Variants in ANKIB1 observed in about 807,000 individuals in gnomAD.
ANKIB1 encodes the protein ankyrin repeat and IBR domain-containing protein 1.
In ANKIB1, 43 loss-of-function variants were observed where a neutral mutation model predicts 122.1. The observed-to-expected ratio is 0.35, with a 90% CI of 0.28 to 0.45. ANKIB1 has a LOEUF of 0.45. ANKIB1 is among the 20% of genes least tolerant of loss of function. ANKIB1 has a pLI of 1.00. For missense variants in ANKIB1, 992 were observed against 1,329.5 expected (o/e 0.75, Z 3.95); for synonymous variants, 390 against 442.0 (o/e 0.88, Z 1.48).
chr7:92,281,428 A>C (rs1802010428), intron 1 of ANKIB1, among the ~76,000 whole-genome samples: 1 of 152,222 alleles, frequency 6.6e-6, no homozygotes, highest in South Asian at 2.1e-4. Context: ...GCCATGGATC[A>C]ACCTTGCAAG....
intron 5 of ANKIB1, among the ~76,000 whole-genome samples, chr7:92,339,877 A>G (rs993571928): frequency 3.3e-5 from 3 of 90,052 alleles, no homozygotes; most frequent in African/African-American, 1.3e-4. Context: ...TTTAATTTCT[A>G]CTTTGCCTTT....
chr7:92,362,828 G>A (rs1446513874), intron 10 of ANKIB1, among the ~76,000 whole-genome samples: 1 of 152,184 alleles, frequency 6.6e-6, no homozygotes, highest in African/African-American at 2.4e-5. Flanking sequence ...TTTTACAGAG[G>A]AAAACTAATG....
At chr7:92,355,960 A>C (rs1803801635) in intron 9 of ANKIB1, among the ~76,000 whole-genome samples, 1 of 151,904 alleles carries the variant, frequency 6.6e-6, no homozygotes, top group African/African-American at 2.4e-5. Flanking sequence ...TGTGCAAAAA[A>C]GTCTTTAAAA....
At chr7:92,338,476 G>A (rs1246535375) in intron 5 of ANKIB1, among the ~76,000 whole-genome samples, 1 of 150,762 alleles carries the variant, frequency 6.6e-6, no homozygotes, top group African/African-American at 2.5e-5. Flanking sequence ...TTTATTAAAT[G>A]TTTGAGTTAT....
rs1562803948 is a variant in ANKIB1 at position 92,400,609 on chromosome 7, T to G, written c.*1660T>G. 6.6e-6 allele frequency: 1 copy of G among 152,174 alleles called. No individual in the cohort carries two copies. Among genetic ancestry groups the G allele is most frequent in the South Asian group, 2.1e-4 (1 of 4,822 alleles). 9.4% of individuals were successfully genotyped at this position (152,174 alleles called of 1,614,324 possible). On this transcript the variant is annotated 3_prime_UTR_variant, in exon 20 of 20. Transcript: ENST00000265742. The stretch of plus-strand genomic sequence containing the variant: ...ACTTTTTTTTTTTCCAAACCCTGCT[T>G]TTGAAATATCCTTGTACTTAAAATT...
chr7:92,246,715 A>G (rs541976526), intron 1 of ANKIB1, among the ~76,000 whole-genome samples, 196 bp downstream of exon 1: 1 of 152,106 alleles, frequency 6.6e-6, no homozygotes, highest in Non-Finnish European at 1.5e-5. Context: ...CTTTTCTCCC[A>G]GCGAATTTGC....
In ANKIB1 at chr7:92,400,151, A is replaced by C. The variant is rs892724948; in HGVS notation, c.*1202A>C. 1.3e-5 allele frequency: 2 copies of C among 152,186 alleles called. No individual in the cohort carries two copies. Among genetic ancestry groups the C allele is most frequent in the African/African-American group, 4.8e-5 (2 of 41,440 alleles). The allele number at this position is 152,186 out of a possible 1,614,324, so 9.4% of individuals were successfully genotyped here. On this transcript the variant is annotated 3_prime_UTR_variant, in exon 20 of 20. Transcript: ENST00000265742. Reference sequence around the variant, plus strand: ...CCACCCATGGCCTTGCTTTTACACTAACTATAACAACTAAATGTTCAATCA... The same window carrying C: ...CCACCCATGGCCTTGCTTTTACACTCACTATAACAACTAAATGTTCAATCA...
rs1804981228 is a variant in ANKIB1, at chr7:92,399,885, T to C, written c.*936T>C. 2 of 152,336 alleles carry C rather than the reference T, an allele frequency of 1.3e-5. No homozygotes were observed. Among genetic ancestry groups the C allele is most frequent in the Middle Eastern group, 3.4e-3 (1 of 294 alleles). The allele number at this position is 152,336 out of a possible 1,614,324, so 9.4% of individuals were successfully genotyped here. On this transcript the variant is annotated 3_prime_UTR_variant, in exon 20 of 20. Coordinates refer to ENST00000265742, the MANE Select transcript of ANKIB1 (RefSeq NM_019004.2). ...GTTTTCACAATTTTACAGTGCATTC[T>C]AATTACTGATGGGTGCAATTACTTT...
intron 2 of ANKIB1, among the ~76,000 whole-genome samples, chr7:92,304,411 C>CT (rs1343053274): frequency 6.6e-6 from 1 of 152,076 alleles, no homozygotes; most frequent in East Asian, 1.9e-4. Flanking sequence ...GTGTCTCTCT[C>CT]TTCTCTATAT....
chr7:92,272,208 CAG>C (rs1442190522), intron 1 of ANKIB1, among the ~76,000 whole-genome samples: 5 of 151,682 alleles, frequency 3.3e-5, no homozygotes, highest in Admixed American at 2.6e-4. Flanking sequence ...ATTAAAAAAA[CAG>C]AACCGCACCA....
intron 4 of ANKIB1, among the ~76,000 whole-genome samples, chr7:92,324,517 A>G (rs1008129821): frequency 1.3e-5 from 2 of 152,210 alleles, no homozygotes; most frequent in African/African-American, 4.8e-5. Context: ...TACAGGCGTG[A>G]GCCACCATGC....
chr7:92,348,534 C>T (rs749989877), intron 7 of ANKIB1, among the ~76,000 whole-genome samples: 2 of 151,998 alleles, frequency 1.3e-5, no homozygotes, highest in Non-Finnish European at 2.9e-5. Context: ...TACAGACACC[C>T]GGCACCATGC....
chr7:92,284,656 TCTTC>T (rs1446625345), intron 1 of ANKIB1, among the ~76,000 whole-genome samples: 4 of 152,244 alleles, frequency 2.6e-5, no homozygotes, highest in South Asian at 2.1e-4. Flanking sequence ...CTTTTACCTT[TCTTC>T]CTTCATTCAT....
intron 4 of ANKIB1, among the ~76,000 whole-genome samples, chr7:92,323,344 T>G (rs891717532): frequency 2.0e-5 from 3 of 152,198 alleles, no homozygotes; most frequent in Non-Finnish European, 4.4e-5. Context: ...TTTCTCTGAT[T>G]ATCGTGTAAA....
chr7:92,280,803 A>C (rs1400764784), intron 1 of ANKIB1, among the ~76,000 whole-genome samples: 1 of 152,210 alleles, frequency 6.6e-6, no homozygotes, highest in Non-Finnish European at 1.5e-5. Context: ...ACTGTTTCAT[A>C]TTATGAATAA....
intron 5 of ANKIB1, among the ~76,000 whole-genome samples, chr7:92,341,269 C>T (rs1216944730): frequency 1.3e-5 from 2 of 150,060 alleles, no homozygotes; most frequent in Non-Finnish European, 2.9e-5. Context: ...AAGATCATGC[C>T]GTTGCACTCC....
rs768362039 is a variant in ANKIB1 at position 92,398,993 on chromosome 7, T to TA, written c.*45dup. 35 of 1,502,066 alleles carry TA rather than the reference T, an allele frequency of 2.3e-5. No individual in the cohort carries two copies. The highest frequency in any genetic ancestry group is 2.9e-5 in the Non-Finnish European group (33 of 1,125,872). 93.0% of individuals were successfully genotyped at this position (1,502,066 alleles called of 1,614,324 possible). ...CTAAATGAATTACAGGTACAGATGG[T>TA]ATGCTAGGTGGAGTATGCTTGATAG... On this transcript the variant is annotated 3_prime_UTR_variant, in exon 20 of 20. Coordinates refer to ENST00000265742, the MANE Select transcript of ANKIB1 (RefSeq NM_019004.2).
chr7:92,391,652 T>C (rs886240955), intron 16 of ANKIB1, among the ~76,000 whole-genome samples: 3 of 152,090 alleles, frequency 2.0e-5, no homozygotes, highest in African/African-American at 7.2e-5. Context: ...ATATGTAATA[T>C]ATATAGTGAT....
At chr7:92,258,268 T>G (rs1485379606) in intron 1 of ANKIB1, among the ~76,000 whole-genome samples, 1 of 152,182 alleles carries the variant, frequency 6.6e-6, no homozygotes, top group Non-Finnish European at 1.5e-5. Flanking sequence ...TGAAAAATAA[T>G]AAGGTTCCAA....
Sources: allele counts gnomAD v4.1 joint callset (sites outside exome capture counted in the v4.1 genomes callset), GRCh38; gene constraint gnomAD v4.1.1; transcripts MANE v1.5; gene names NCBI Gene and HGNC (gene_info 2026-07-23, HGNC 2026-07-21).